NFKB1: variants seen among roughly 807,000 people sequenced by gnomAD.
NFKB1 encodes nuclear factor NF-kappa-B p105 subunit.
Under a neutral mutation model 105.1 loss-of-function variants are expected in NFKB1, and 9 were observed. That is an observed-to-expected ratio of 0.09 (90% CI 0.05 to 0.15). NFKB1 has a LOEUF of 0.15. Among genes scored for constraint, NFKB1 ranks in the 10% least tolerant of loss-of-function variants. NFKB1 has a pLI of 1.00. For missense variants in NFKB1, 830 were observed against 1,203.7 expected (o/e 0.69, Z 4.59); for synonymous variants, 440 against 442.2 (o/e 1.00, Z 0.06).
intron 22 of NFKB1, 114 bp downstream of exon 22, chr4:102,612,720 C>T (rs557488517): frequency 1.2e-5 from 13 of 1,076,098 alleles, no homozygotes; most frequent in Admixed American, 1.2e-4. Context: ...GAAAACCAGT[C>T]ATTGCCCAAG....
chr4:102,577,084 T>C, intron 7 of NFKB1, 45 bp downstream of exon 7: 1 of 1,574,608 alleles, frequency 6.4e-7, no homozygotes, highest in Admixed American at 1.9e-5. Context: ...GGGTCCAGGC[T>C]TTGGTTTTCA....
At chr4:102,578,701 T>G (rs1211014655) in intron 7 of NFKB1, 180 bp from the exon 8 acceptor site, 2 of 577,094 alleles carry the variant, frequency 3.5e-6, no homozygotes, top group African/African-American at 3.8e-5. Flanking sequence ...CTTTGATGCC[T>G]TTCATATTGG....
intron 1 of NFKB1, among the ~76,000 whole-genome samples, chr4:102,504,150 C>G (rs973186247): frequency 6.6e-6 from 1 of 152,118 alleles, no homozygotes; most frequent in Non-Finnish European, 1.5e-5. Context: ...TATTTTCAAA[C>G]AGTAAAATAA....
At chr4:102,574,125 CTTT>C (rs56977004) in intron 6 of NFKB1, among the ~76,000 whole-genome samples, 1 of 93,264 alleles carries the variant, frequency 1.1e-5, no homozygotes, top group Non-Finnish European at 2.0e-5. Flanking sequence ...TCTTGGATTC[CTTT>C]TTTTTTTTTT....
intron 11 of NFKB1, among the ~76,000 whole-genome samples, chr4:102,587,325 G>GA (rs1427045844): frequency 1.3e-5 from 2 of 151,988 alleles, no homozygotes; most frequent in South Asian, 2.1e-4. Flanking sequence ...ACTTTCTGAG[G>GA]AAAAAAATAG....
At chr4:102,539,033 T>G (rs1741822112) in intron 5 of NFKB1, among the ~76,000 whole-genome samples, 4 of 151,962 alleles carry the variant, frequency 2.6e-5, no homozygotes. Flanking sequence ...GGTCAGGAGT[T>G]CGAGACCAGC....
At chr4:102,568,527 A>C (rs1341141714) in intron 6 of NFKB1, among the ~76,000 whole-genome samples, 1 of 152,148 alleles carries the variant, frequency 6.6e-6, no homozygotes, top group African/African-American at 2.4e-5. Flanking sequence ...GTGTTTCTGC[A>C]GATTTATTCC....
intron 15 of NFKB1, among the ~76,000 whole-genome samples, chr4:102,598,361 C>T (rs1726821619): frequency 6.6e-6 from 1 of 152,190 alleles, no homozygotes; most frequent in Non-Finnish European, 1.5e-5. Flanking sequence ...GAGACAGCAG[C>T]CTTCACATTC....
intron 1 of NFKB1, among the ~76,000 whole-genome samples, chr4:102,524,090 A>T (rs2149111476): frequency 6.6e-6 from 1 of 152,192 alleles, no homozygotes; most frequent in African/African-American, 2.4e-5. Context: ...GTGTTTCTTT[A>T]ATTTTCTCAT....
At chr4:102,607,845 C>G (rs1435488996) in intron 19 of NFKB1, 94 bp downstream of exon 19, 1 of 1,033,960 alleles carries the variant, frequency 9.7e-7, no homozygotes, top group Non-Finnish European at 1.5e-6. Flanking sequence ...CTTTAAGCCA[C>G]AGACCTACTG....
intron 6 of NFKB1, among the ~76,000 whole-genome samples, chr4:102,572,172 A>T (rs1481088686): frequency 6.6e-6 from 1 of 152,194 alleles, no homozygotes; most frequent in Non-Finnish European, 1.5e-5. Context: ...GGATGAGCTC[A>T]TGTCCTTTGT....
At position 102,600,917 on chromosome 4, in the gene NFKB1, C is replaced by T; in HGVS notation, c.1660C>T (p.His554Tyr). 6.2e-7 allele frequency: 1 copy of T among 1,605,842 alleles called. No homozygotes were observed. Among genetic ancestry groups the T allele is most frequent in the Non-Finnish European group, 8.5e-7 (1 of 1,172,966 alleles). ...CAGTGTCTTACACTTAGCAATCATC[C>T]ACCTTCATTCTCAACTTGTGAGGGA... ...GDSVLHLAII[H>Y]LHSQLVRDLL... The change falls in exon 16 of 24, where the codon CAC becomes TAC. Residue 554 changes from histidine (H) to tyrosine (Y), a missense_variant. By Grantham distance (83) the His-to-Tyr change is moderately conservative. Coordinates refer to ENST00000226574, the MANE Select transcript of NFKB1 (RefSeq NM_003998.4).
At chr4:102,502,424 A>G (rs1294843646) in intron 1 of NFKB1, among the ~76,000 whole-genome samples, 6 of 136,362 alleles carry the variant, frequency 4.4e-5, no homozygotes, top group Non-Finnish European at 9.4e-5. Flanking sequence ...ACACACACAC[A>G]CACGATATAG....
chr4:102,513,104 T>C (rs1298526220), intron 1 of NFKB1, among the ~76,000 whole-genome samples: 3 of 152,182 alleles, frequency 2.0e-5, no homozygotes, highest in Non-Finnish European at 4.4e-5. Flanking sequence ...ACTATGTTTT[T>C]AGGGAAGAAG....
intron 3 of NFKB1, among the ~76,000 whole-genome samples, chr4:102,530,381 T>C (rs2149119074): frequency 6.6e-6 from 1 of 152,266 alleles, no homozygotes; most frequent in East Asian, 1.9e-4. Context: ...AACTTTGCAC[T>C]CTGACAAGTT....
In NFKB1 at chr4:102,612,495, T is replaced by G; in HGVS notation, c.2481T>G (p.Pro827=). Residue 827 remains proline (P), a synonymous_variant, in exon 22 of 24, where the codon CCT becomes CCG. Transcript: ENST00000226574. ...KLQLYKLLEI[P]DPDKNWATLA... ...AGCTGTATAAGTTACTAGAAATTCC[T>G]GATCCAGACAAAAACTGGGCTACTC... 6.2e-7 allele frequency: 1 copy of G among 1,613,980 alleles called. No individual in the cohort carries two copies. Among genetic ancestry groups the G allele is most frequent in the Non-Finnish European group, 8.5e-7 (1 of 1,180,024 alleles).
intron 9 of NFKB1, 39 bp downstream of exon 9, chr4:102,580,678 A>T (rs1266702036): frequency 6.7e-7 from 1 of 1,484,598 alleles, no homozygotes; most frequent in Non-Finnish European, 9.4e-7. Flanking sequence ...AAGAGGTGTG[A>T]TCTTGACACA....
At chr4:102,599,143 G>A (rs1357791775) in intron 15 of NFKB1, among the ~76,000 whole-genome samples, 1 of 152,086 alleles carries the variant, frequency 6.6e-6, no homozygotes, top group African/African-American at 2.4e-5. Context: ...GGGGGAGGGG[G>A]AATGTACTTC....
Position 102,598,489 on chromosome 4 carries a change from A to G in NFKB1, c.1637+828A>G, listed in dbSNP as rs781218998. Among the ~76,000 whole-genome samples, 18 of 152,188 alleles carry G rather than the reference A, an allele frequency of 1.2e-4. 1 individual carries two copies. The highest frequency in any genetic ancestry group is 2.0e-4 in the Admixed American group (3 of 15,282). ...CTTCAGTTTAAAAATTAAACCAAGC[A>G]CTTTAGGAAAGTAACAACCTCAGGG... On this transcript the variant is annotated intron_variant, in intron 15 of 23. Coordinates refer to ENST00000226574, the MANE Select transcript of NFKB1 (RefSeq NM_003998.4).
Sources: allele counts gnomAD v4.1 joint callset (sites outside exome capture counted in the v4.1 genomes callset), GRCh38; gene constraint gnomAD v4.1.1; transcripts MANE v1.5; gene names NCBI Gene and HGNC (gene_info 2026-07-23, HGNC 2026-07-21).